Variants in MADD observed in about 807,000 individuals in gnomAD.
The protein encoded by MADD is MAP kinase activating death domain, also known as MAP kinase-activating death domain protein.
Under a neutral mutation model 176.7 loss-of-function variants are expected in MADD, and 109 were observed. The observed-to-expected ratio is 0.62, with a 90% confidence interval of 0.53 to 0.72. The LOEUF (loss-of-function observed/expected upper bound fraction) is 0.72. Ranked by LOEUF, MADD falls within the 30% of genes least tolerant of loss-of-function variation. MADD has a pLI of 0.00. For synonymous variants in MADD, 771 were observed against 771.3 expected (o/e 1.00, Z 0.01); for missense variants, 1,914 against 2,045.5 (o/e 0.94, Z 1.24).
Position 47,279,046 on chromosome 11 carries a change from A to G in MADD, c.1257A>G (p.Pro419=), listed in dbSNP as rs112202533. The G allele has an allele frequency of 1.9e-4, 301 of 1,614,116 alleles. 1 individual carries two copies. The African/African-American group carries it at 3.3e-3, about 18-fold the overall frequency. Residue 419 remains proline (P), a synonymous_variant, in exon 7 of 33, where the codon CCA becomes CCG. Coordinates refer to ENST00000402192, the Ensembl canonical transcript of MADD. Reference sequence around the variant, plus strand: ...AAGTGCTGCCTATCCTGCCAGAACCAGAATCACTAGAGCTGAAAAAGCATT... The same window carrying G: ...AAGTGCTGCCTATCCTGCCAGAACCGGAATCACTAGAGCTGAAAAAGCATT...
intron 2 of MADD, among the ~76,000 whole-genome samples, chr11:47,274,360 T>G (rs1462026574): frequency 6.6e-6 from 1 of 152,194 alleles, no homozygotes; most frequent in Non-Finnish European, 1.5e-5. Flanking sequence ...CCCCTTCGTT[T>G]CAGAATAGAT....
intron 27 of MADD, among the ~76,000 whole-genome samples, chr11:47,322,225 G>T (rs140639635): frequency 1.9e-3 from 293 of 152,206 alleles, no homozygotes; most frequent in South Asian, 4.8e-3. Flanking sequence ...CTCAGTAATG[G>T]CAGAGCTGGA....
chr11:47,290,929 G>A, intron 19 of MADD, 113 bp downstream of exon 20: 1 of 836,656 alleles, frequency 1.2e-6, no homozygotes, highest in South Asian at 1.9e-5. Context: ...GCTTCTTAGA[G>A]AGGGAAGGGG....
Position 47,323,657 on chromosome 11 carries a change from G to T in MADD, c.4198-14G>T. On this transcript the variant is annotated splice_polypyrimidine_tract_variant and intron_variant, in intron 27 of 32. Coordinates refer to ENST00000402192, the Ensembl canonical transcript of MADD. ...GAGACAGGAACCACTGAGCCGCTTT[G>T]TGCACTTCTCCAGGTGTGCGATGAC... The T allele has an allele frequency of 1.9e-6, 3 of 1,610,852 alleles. No individual in the cohort carries two copies. The highest frequency in any genetic ancestry group is 2.5e-6 in the Non-Finnish European group (3 of 1,178,364).
At position 47,289,259 on chromosome 11, in the gene MADD, A is replaced by G. The variant is rs573338843; in HGVS notation, c.2654-132A>G. 1,894 of 832,786 alleles carry G rather than the reference A, an allele frequency of 2.3e-3. 6 individuals carry two copies. The highest frequency in any genetic ancestry group is 3.2e-3 in the Non-Finnish European group (1,634 of 504,616). 51.6% of individuals were successfully genotyped at this position (832,786 alleles called of 1,614,324 possible). The stretch of plus-strand genomic sequence containing the variant: ...TGCCATGGCTGGTTTCTACCTACGT[A>G]TGATGCCTTGGTGCTACCCTCACCC... On this transcript the variant is annotated intron_variant, in intron 15 of 32. Coordinates refer to ENST00000402192, the Ensembl canonical transcript of MADD.
At chr11:47,285,078 G>C in exon 13 of MADD, 1 of 1,614,110 alleles carries the variant, frequency 6.2e-7, no homozygotes. Context: ...CAGTGCGCCG[G>C]CGAATCTATG....
intron 22 of MADD, among the ~76,000 whole-genome samples, chr11:47,300,617 C>T (rs1472564955): frequency 6.6e-6 from 1 of 151,896 alleles, no homozygotes; most frequent in East Asian, 1.9e-4. Context: ...CATACCTCAG[C>T]CTCTTGAGTA....
chr11:47,295,168 G>A (rs1347999894), intron 20 of MADD, among the ~76,000 whole-genome samples: 1 of 151,908 alleles, frequency 6.6e-6, no homozygotes, highest in Non-Finnish European at 1.5e-5. Context: ...CCACCACCAT[G>A]CCTGGCTAAG....
At chr11:47,288,939 A>G in intron 15 of MADD, 29 bp from the exon 16 acceptor site, 2 of 1,543,168 alleles carry the variant, frequency 1.3e-6, no homozygotes, top group Non-Finnish European at 1.8e-6. Flanking sequence ...ATTGTGGTAC[A>G]CCTACTAATT....
chr11:47,290,016 CAG>C lies in MADD; in HGVS notation c.2909_2910del (p.Glu970GlyfsTer60), dbSNP rs768053409. ...AGCAAGCTGAACCGCATGGTGCAGT[CAG>C]AGGACGATGCCCGGCAGGACATCAT... On this transcript the variant is annotated frameshift_variant, in exon 17 of 33. Transcript: ENST00000402192. LOFTEE classifies it high-confidence loss of function. 5 of 1,614,154 alleles carry C rather than the reference CAG, an allele frequency of 3.1e-6. No homozygotes were observed. Among genetic ancestry groups the C allele is most frequent in the Non-Finnish European group, 4.2e-6 (5 of 1,180,024 alleles).
intron 19 of MADD, 39 bp from the exon 22 acceptor site, chr11:47,293,844 C>T: frequency 7.3e-7 from 1 of 1,364,378 alleles, no homozygotes. Flanking sequence ...CTGCCCCTAG[C>T]CTTTGTGCAC....
intron 6 of MADD, 141 bp downstream of exon 6, chr11:47,278,419 G>GT (rs2052663062): frequency 1.4e-5 from 9 of 640,436 alleles, no homozygotes; most frequent in Middle Eastern, 3.3e-4. Flanking sequence ...ACTGAAACAA[G>GT]TTTTTTTAAA....
At chr11:47,287,145 G>A (rs1002181862) in intron 15 of MADD, among the ~76,000 whole-genome samples, 9 of 152,180 alleles carry the variant, frequency 5.9e-5, no homozygotes, top group East Asian at 5.8e-4. Flanking sequence ...CCAACATGGC[G>A]AAACGCCGTC....
intron 20 of MADD, 56 bp downstream of exon 22, chr11:47,294,039 T>C (rs902924745): frequency 7.3e-7 from 1 of 1,366,392 alleles, no homozygotes; most frequent in Non-Finnish European, 1.0e-6. Context: ...CTCAGAATAC[T>C]TCTTTAAGTT....
intron 19 of MADD, among the ~76,000 whole-genome samples, 175 bp downstream of exon 21, chr11:47,292,771 C>A (rs1388539671): frequency 2.0e-5 from 3 of 152,034 alleles, no homozygotes; most frequent in African/African-American, 7.3e-5. Context: ...CCGCTTCTTT[C>A]CCCCTCCCCT....
chr11:47,282,794 C>A lies in MADD; in HGVS notation c.1706-19C>A. On this transcript the variant is annotated intron_variant, in intron 9 of 32. Coordinates refer to ENST00000402192, the Ensembl canonical transcript of MADD. ...TTTTCCTTGCTGCTGACTTTCTGTT[C>A]TTTTCCCTCATGGGGTAGATATGTT... 1.9e-6 allele frequency: 3 copies of A among 1,608,248 alleles called. No individual in the cohort carries two copies. The South Asian group carries it at 3.3e-5, about 18-fold the overall frequency.
At position 47,312,178 on chromosome 11, in the gene MADD, C is replaced by T. The variant is rs75350544; in HGVS notation, c.4089+336C>T. Among the ~76,000 whole-genome samples, 3,048 of 152,324 alleles carry T rather than the reference C, an allele frequency of 0.02. 231 individuals are homozygous for T. The East Asian group carries it at 0.26, about 13-fold the overall frequency. On this transcript the variant is annotated intron_variant, in intron 26 of 32. Coordinates refer to ENST00000402192, the Ensembl canonical transcript of MADD. ...GCTGGCACTGTAACCCAAGTGAAGA[C>T]AATGGCCCCAAACTATGCCAGCAGC...
exon 32 of MADD, chr11:47,328,671 A>G: frequency 6.2e-7 from 1 of 1,614,254 alleles, no homozygotes; most frequent in Non-Finnish European, 8.5e-7. Context: ...CTGAAATTAA[A>G]GAAGTGGTGA....
chr11:47,295,094 T>C (rs906286539), intron 20 of MADD, among the ~76,000 whole-genome samples: 2 of 151,754 alleles, frequency 1.3e-5, no homozygotes, highest in African/African-American at 4.8e-5. Context: ...CACTGCAGCC[T>C]CAAACTCCTG....
Sources: gnomAD v4.1 joint callset for allele counts (sites outside exome capture counted in the v4.1 genomes callset) on GRCh38, gnomAD v4.1.1 for gene constraint, MANE v1.5 for transcripts, NCBI Gene and HGNC (gene_info 2026-07-23, HGNC 2026-07-21) for gene names.